TRIM40: variants seen among roughly 807,000 people sequenced by gnomAD.
The protein encoded by TRIM40 is tripartite motif containing 40.
TRIM40 carries 27 observed loss-of-function variants against 26.1 expected under a neutral mutation model. That is an observed-to-expected ratio of 1.04 (90% CI 0.76 to 1.43). TRIM40 has a LOEUF of 1.43. Among genes scored for constraint, TRIM40 ranks in the 40% most tolerant of loss-of-function variants. The probability of loss-of-function intolerance (pLI) is 0.00; values close to 1 mark genes in which losing one functional copy is unlikely to be tolerated. For synonymous variants in TRIM40, 114 were observed against 120.0 expected, an observed-to-expected ratio of 0.95 and a Z score of 0.33; for missense variants, 289 against 307.9, an observed-to-expected ratio of 0.94 and a Z score of 0.46.
chr6:30,147,886 GC>G lies in TRIM40; in HGVS notation c.*79del. The G allele has an allele frequency of 7.5e-7, 1 of 1,330,478 alleles. No individual in the cohort carries two copies. Among genetic ancestry groups the G allele is most frequent in the Non-Finnish European group, 1.1e-6 (1 of 923,908 alleles). The allele number at this position is 1,330,478 out of a possible 1,614,324, so 82.4% of individuals were successfully genotyped here. ...TCTCTCCTTCCTCCAACCTGTCCAGGCCCCCACTGGGTCTACCCAGTGCATC... is the reference window on the plus strand; with the variant it reads ...TCTCTCCTTCCTCCAACCTGTCCAGGCCCCACTGGGTCTACCCAGTGCATC... On this transcript the variant is annotated 3_prime_UTR_variant, in exon 6 of 6. Transcript: ENST00000396581.
At chr6:30,144,066 T>C (rs189706384) in intron 2 of TRIM40, among the ~76,000 whole-genome samples, 33 of 151,962 alleles carry the variant, frequency 2.2e-4, no homozygotes, top group South Asian at 1.2e-3. Context: ...CACGGGTGTG[T>C]TTGGGAAGCA....
At chr6:30,137,614 T>C (rs9261472) in intron 2 of TRIM40, among the ~76,000 whole-genome samples, 31,284 of 152,186 alleles carry the variant, frequency 0.21, 3,539 homozygotes, top group East Asian at 0.27. Flanking sequence ...AGTGTGATGT[T>C]AGAGTCCCAG....
At chr6:30,136,218 T>C (rs553105230) in intron 1 of TRIM40, 29 bp downstream of exon 1, 1 of 151,996 alleles carries the variant, frequency 6.6e-6, no homozygotes, top group Non-Finnish European at 1.5e-5. Flanking sequence ...TTTTCAGGAG[T>C]GGGGCTAGGC....
Position 30,136,921 on chromosome 6 carries a change from C to A in TRIM40, c.-116C>A. 2 of 1,038,156 alleles carry A rather than the reference C, an allele frequency of 1.9e-6. No individual in the cohort carries two copies. The highest frequency in any genetic ancestry group is 1.4e-6 in the Non-Finnish European group (1 of 724,194). 64.3% of individuals were successfully genotyped at this position (1,038,156 alleles called of 1,614,324 possible). ...GTCCTGTCCCCAGGCTGCTCCAGGG[C>A]TGCCTCCTTCCGACTGGGCCTTCTT... On this transcript the variant is annotated 5_prime_UTR_variant, in exon 2 of 6. In the 5' UTR this introduces an upstream ATG that the reference lacks. Transcript: ENST00000396581.
intron 2 of TRIM40, among the ~76,000 whole-genome samples, chr6:30,137,953 T>TG (rs1176010453): frequency 6.6e-6 from 1 of 152,168 alleles, no homozygotes; most frequent in African/African-American, 2.4e-5. Flanking sequence ...AGGTATAAAG[T>TG]CAAGACTAAA....
rs752874648 is a variant in TRIM40, at chr6:30,137,162, G to A, written c.126G>A (p.Val42=). The stretch of plus-strand genomic sequence containing the variant: ...GTCGAGTGTGCCTGACACAGCATGT[G>A]GAGAAGGCCTCAGCCTCTGGGGTCT... ...LFCRVCLTQH[V]EKASASGVFC... is the part of the protein sequence containing the mutation. Residue 42 remains valine, a synonymous_variant, in exon 2 of 6, where the codon GTG becomes GTA. Coordinates refer to ENST00000396581, the MANE Select transcript of TRIM40 (RefSeq NM_001286633.2). 3.1e-5 allele frequency: 50 copies of A among 1,612,962 alleles called. No homozygotes were observed. Among genetic ancestry groups the A allele is most frequent in the Non-Finnish European group, 3.7e-5 (44 of 1,180,048 alleles).
At position 30,146,987 on chromosome 6, in the gene TRIM40, T is replaced by C. The variant is rs777891314; in HGVS notation, c.444T>C (p.Phe148=). The C allele has an allele frequency of 6.3e-7, 1 of 1,584,094 alleles. No individual in the cohort carries two copies. Among genetic ancestry groups the C allele is most frequent in the East Asian group, 2.3e-5 (1 of 43,044 alleles). Residue 148 remains phenylalanine, a splice_region_variant and synonymous_variant, in exon 4 of 6, where the codon TTT becomes TTC. Coordinates refer to ENST00000396581, the MANE Select transcript of TRIM40 (RefSeq NM_001286633.2). ...QQEKKLQALQ[F]QVDHGNHRLE... ...CTTAGGGAGCCCCTTTCCTGTAGTT[T>C]CAGGTAGACCACGGGAACCACAGGC...
intron 2 of TRIM40, among the ~76,000 whole-genome samples, chr6:30,141,159 A>G (rs1429403852): frequency 3.9e-5 from 6 of 152,162 alleles, no homozygotes; most frequent in Admixed American, 1.3e-4. Flanking sequence ...ACAGGATTTA[A>G]AAAAAAGAAC....
In TRIM40 at chr6:30,136,933, G is replaced by T. The variant is rs1771033545; in HGVS notation, c.-104G>T. On this transcript the variant is annotated 5_prime_UTR_variant, in exon 2 of 6. Coordinates refer to ENST00000396581, the MANE Select transcript of TRIM40 (RefSeq NM_001286633.2). ...GGCTGCTCCAGGGCTGCCTCCTTCC[G>T]ACTGGGCCTTCTTATCTGGGACTGT... 3.3e-6 allele frequency: 4 copies of T among 1,214,506 alleles called. No homozygotes were observed. The highest frequency in any genetic ancestry group is 2.5e-5 in the East Asian group (1 of 39,846). The allele number at this position is 1,214,506 out of a possible 1,614,324, so 75.2% of individuals were successfully genotyped here.
In TRIM40 at chr6:30,147,837, C is replaced by T. The variant is rs766112720; in HGVS notation, c.*25C>T. 2.5e-6 allele frequency: 4 copies of T among 1,604,546 alleles called. No individual in the cohort carries two copies. Among genetic ancestry groups the T allele is most frequent in the East Asian group, 2.2e-5 (1 of 44,852 alleles). On this transcript the variant is annotated 3_prime_UTR_variant, in exon 6 of 6. Transcript: ENST00000396581. ...ACCTGTTCATCCCTGGGACACCTCA[C>T]TTCAGGCTCACCTCAGCCTCCTCTC... is the stretch of plus-strand genomic sequence containing the variant.
At chr6:30,141,236 G>A (rs1771325695) in intron 2 of TRIM40, among the ~76,000 whole-genome samples, 1 of 152,216 alleles carries the variant, frequency 6.6e-6, no homozygotes, top group African/African-American at 2.4e-5. Context: ...GGTTGAGGTG[G>A]GAGGATTGCT....
intron 2 of TRIM40, 22 bp from the exon 3 acceptor site, chr6:30,145,972 G>A (rs2127426620): frequency 6.2e-7 from 1 of 1,607,036 alleles, no homozygotes; most frequent in South Asian, 1.1e-5. Flanking sequence ...AGTCTGACAA[G>A]CAGGTGTGTC....
Position 30,147,739 on chromosome 6 carries a change from A to C in TRIM40, c.704A>C (p.Lys235Thr). The change falls in exon 6 of 6, where the codon AAA (lysine) becomes ACA (threonine). Residue 235 changes from lysine (K) to threonine (T), a missense_variant. Physicochemically the swap from Lys to Thr is moderately conservative, Grantham distance 78. Transcript: ENST00000396581. Reference sequence around the variant, plus strand: ...TTTGTTTCTAGGAGTGCTCCACAGAAATTAGAGGTTATTTATCCCCAGTTG... The same window carrying C: ...TTTGTTTCTAGGAGTGCTCCACAGACATTAGAGGTTATTTATCCCCAGTTG... ...GDLLNRSAPQ[K>T]LEVIYPQLEK... is the part of the protein sequence containing the mutation. 6.2e-7 allele frequency: 1 copy of C among 1,614,172 alleles called. No individual in the cohort carries two copies. The highest frequency in any genetic ancestry group is 8.5e-7 in the Non-Finnish European group (1 of 1,180,012).
intron 2 of TRIM40, among the ~76,000 whole-genome samples, chr6:30,138,702 C>A (rs1394438106): frequency 1.3e-5 from 2 of 152,098 alleles, no homozygotes; most frequent in Non-Finnish European, 2.9e-5. Context: ...TTTTATCAAC[C>A]TTTCCCCTGA....
Position 30,136,796 on chromosome 6 carries a change from G to T in TRIM40, c.-241G>T. ...AAACCGCAGGGTCCATGTCAAAGCT[G>T]ATGAGCTATTTCTGAAACTCGTGCA... On this transcript the variant is annotated 5_prime_UTR_variant, in exon 2 of 6. Transcript: ENST00000396581. 1 of 554,690 alleles carries T rather than the reference G, an allele frequency of 1.8e-6. No homozygotes were observed. Among genetic ancestry groups the T allele is most frequent in the Non-Finnish European group, 3.2e-6 (1 of 312,760 alleles). The allele number at this position is 554,690 out of a possible 1,614,324, so 34.4% of individuals were successfully genotyped here. A position where few individuals can be genotyped will look rare whatever the true frequency, so the allele number is the denominator to read the frequency against.
intron 2 of TRIM40, among the ~76,000 whole-genome samples, chr6:30,144,654 A>G (rs1771542229): frequency 6.6e-6 from 1 of 152,190 alleles, no homozygotes; most frequent in African/African-American, 2.4e-5. Context: ...TGCGGATTTC[A>G]TGGCTGGAGA....
Position 30,137,023 on chromosome 6 carries a change from G to T in TRIM40, c.-14G>T. The T allele has an allele frequency of 6.2e-7, 1 of 1,608,808 alleles. No individual in the cohort carries two copies. Among genetic ancestry groups the T allele is most frequent in the Non-Finnish European group, 8.5e-7 (1 of 1,177,410 alleles). ...GCCCTGCAAACAGGAGGCTGACAGG[G>T]TAGGAACGAGGCCATGATCCCTTTG... On this transcript the variant is annotated 5_prime_UTR_variant, in exon 2 of 6. Transcript: ENST00000396581.
At chr6:30,144,545 A>T (rs1415093067) in intron 2 of TRIM40, among the ~76,000 whole-genome samples, 1 of 152,206 alleles carries the variant, frequency 6.6e-6, no homozygotes, top group Non-Finnish European at 1.5e-5. Context: ...GCCAACTTCA[A>T]GGCTCCTTTT....
At chr6:30,146,287 T>C (rs1415274610) in intron 3 of TRIM40, among the ~76,000 whole-genome samples, 198 bp downstream of exon 3, 1 of 152,232 alleles carries the variant, frequency 6.6e-6, no homozygotes, top group East Asian at 1.9e-4. Context: ...CTGATCTTTA[T>C]GTGACTTACA....
Sources: gnomAD v4.1 joint callset for allele counts (sites outside exome capture counted in the v4.1 genomes callset) on GRCh38, gnomAD v4.1.1 for gene constraint, MANE v1.5 for transcripts, NCBI Gene and HGNC (gene_info 2026-07-23, HGNC 2026-07-21) for gene names.